Variants in ERICH3 observed in about 807,000 individuals in gnomAD.
The protein encoded by ERICH3 is glutamate rich 3.
In ERICH3, 126 loss-of-function variants were observed where a neutral mutation model predicts 131.1. The ratio of observed to expected loss-of-function variants is 0.96; its 90% CI spans 0.83 to 1.11. The LOEUF (loss-of-function observed/expected upper bound fraction) is 1.11. ERICH3 is among the 50% of genes most tolerant of loss of function. The pLI is 0.00. For missense variants in ERICH3, 2,050 were observed against 1,810.7 expected, an observed-to-expected ratio of 1.13 and a Z score of -2.40; for synonymous variants, 695 against 644.6, an observed-to-expected ratio of 1.08 and a Z score of -1.18.
chr1:74,615,767 C>T (rs1648928501), intron 8 of ERICH3, among the ~76,000 whole-genome samples: 1 of 152,076 alleles, frequency 6.6e-6, no homozygotes, highest in Non-Finnish European at 1.5e-5. Context: ...TACTCTTATC[C>T]CCAACATCTG....
intron 7 of ERICH3, among the ~76,000 whole-genome samples, chr1:74,628,426 A>C (rs1274795665): frequency 6.6e-6 from 1 of 152,172 alleles, no homozygotes; most frequent in African/African-American, 2.4e-5. Flanking sequence ...AATACAGTAC[A>C]GTAGTATAAA....
At chr1:74,637,624 A>C (rs569435373) in intron 5 of ERICH3, among the ~76,000 whole-genome samples, 1 of 152,298 alleles carries the variant, frequency 6.6e-6, no homozygotes, top group South Asian at 2.1e-4. Flanking sequence ...GTTTAGTATA[A>C]AGATTAGCAA....
At chr1:74,605,456 T>C (rs1326387234) in intron 10 of ERICH3, among the ~76,000 whole-genome samples, 2 of 151,982 alleles carry the variant, frequency 1.3e-5, no homozygotes, top group Admixed American at 6.6e-5. Context: ...GCCTAGCTTT[T>C]AGCCTGTCTT....
intron 1 of ERICH3, among the ~76,000 whole-genome samples, chr1:74,658,961 T>C (rs1462113429): frequency 6.6e-6 from 1 of 152,230 alleles, no homozygotes; most frequent in Non-Finnish European, 1.5e-5. Context: ...ACACTCTTAG[T>C]TGCTATTGTG....
intron 1 of ERICH3, among the ~76,000 whole-genome samples, chr1:74,669,102 G>C (rs1010018413): frequency 3.3e-5 from 5 of 152,020 alleles, no homozygotes; most frequent in African/African-American, 1.2e-4. Context: ...TTGACCTAAC[G>C]GTAGTTTTTA....
chr1:74,611,260 CAAT>C (rs1210610009), intron 9 of ERICH3, among the ~76,000 whole-genome samples: 1 of 152,130 alleles, frequency 6.6e-6, no homozygotes, highest in Admixed American at 6.6e-5. Context: ...TCCACAGTCT[CAAT>C]AAGTTAACTG....
intron 3 of ERICH3, 61 bp from the exon 4 acceptor site, chr1:74,643,159 G>C (rs1306091693): frequency 7.7e-7 from 1 of 1,305,060 alleles, no homozygotes; most frequent in Admixed American, 2.0e-5. Flanking sequence ...GACCAGTTTA[G>C]AGGAAAATAA....
At chr1:74,630,812 G>A (rs888287729) in intron 7 of ERICH3, among the ~76,000 whole-genome samples, 5 of 151,904 alleles carry the variant, frequency 3.3e-5, no homozygotes, top group Admixed American at 1.3e-4. Context: ...GATCAAAGAC[G>A]CAGGGCAAGG....
intron 1 of ERICH3, among the ~76,000 whole-genome samples, chr1:74,658,611 T>A (rs936079811): frequency 6.6e-6 from 1 of 152,086 alleles, no homozygotes; most frequent in Non-Finnish European, 1.5e-5. Flanking sequence ...AGAAAAAAAA[T>A]AAAATTGTAC....
rs1646899430 is a variant in ERICH3, at chr1:74,568,595, G to C, written c.*1863C>G. ...GTGCAGTGAGTAATATCCTTGAATA[G>C]GGAGTAGGGCAGAGGGACTTCGTGC... On this transcript the variant is annotated 3_prime_UTR_variant, in exon 15 of 15. Coordinates refer to ENST00000326665, the MANE Select transcript of ERICH3 (RefSeq NM_001002912.5). 6.6e-6 allele frequency: 1 copy of C among 152,140 alleles called. No homozygotes were observed. The highest frequency in any genetic ancestry group is 2.4e-5 in the African/African-American group (1 of 41,452). 9.4% of individuals were successfully genotyped at this position (152,140 alleles called of 1,614,324 possible). A position where few individuals can be genotyped will look rare whatever the true frequency, so the allele number is the denominator to read the frequency against.
intron 12 of ERICH3, among the ~76,000 whole-genome samples, chr1:74,583,536 A>AT (rs542708817): frequency 6.6e-6 from 1 of 151,814 alleles, no homozygotes; most frequent in African/African-American, 2.4e-5. Flanking sequence ...GTACTCACCT[A>AT]TTTTCAGACT....
intron 8 of ERICH3, among the ~76,000 whole-genome samples, chr1:74,613,144 A>G (rs1190441758): frequency 1.3e-5 from 2 of 152,244 alleles, no homozygotes; most frequent in Non-Finnish European, 2.9e-5. Flanking sequence ...GATCTAGATC[A>G]TCTTTTAATT....
chr1:74,634,829 T>A, intron 6 of ERICH3: 2 of 594,616 alleles, frequency 3.4e-6, no homozygotes, highest in Non-Finnish European at 6.0e-6. Context: ...GGCTAGCCCA[T>A]TCCCAAGATG....
intron 2 of ERICH3, among the ~76,000 whole-genome samples, chr1:74,648,870 G>A (rs978163832): frequency 1.2e-4 from 19 of 152,068 alleles, no homozygotes; most frequent in African/African-American, 3.9e-4. Flanking sequence ...TATTTTTTCC[G>A]AAGATGACAG....
At chr1:74,643,341 C>T (rs369167819) in intron 3 of ERICH3, among the ~76,000 whole-genome samples, 37 of 152,190 alleles carry the variant, frequency 2.4e-4, no homozygotes, top group Middle Eastern at 3.4e-3. Context: ...TTAAATTTCA[C>T]TTCTAAACCT....
chr1:74,660,611 A>G (rs1330580403), intron 1 of ERICH3, among the ~76,000 whole-genome samples: 5 of 148,588 alleles, frequency 3.4e-5, no homozygotes, highest in African/African-American at 1.2e-4. Flanking sequence ...ATATATATAT[A>G]TATAGTGTGT....
At chr1:74,603,920 TTTC>T (rs1270652199) in intron 10 of ERICH3, among the ~76,000 whole-genome samples, 1 of 151,834 alleles carries the variant, frequency 6.6e-6, no homozygotes, top group Non-Finnish European at 1.5e-5. Flanking sequence ...GCTATGGAAA[TTTC>T]TTAAAATAAG....
At chr1:74,670,123 T>C (rs1473485446) in intron 1 of ERICH3, among the ~76,000 whole-genome samples, 1 of 152,228 alleles carries the variant, frequency 6.6e-6, no homozygotes, top group Non-Finnish European at 1.5e-5. Context: ...CATTTAGATT[T>C]GTTGTATTTG....
intron 12 of ERICH3, among the ~76,000 whole-genome samples, chr1:74,582,249 T>G (rs904987814): frequency 1.5e-4 from 23 of 152,138 alleles, no homozygotes; most frequent in African/African-American, 5.3e-4. Flanking sequence ...CTAGGATGAT[T>G]TCTTTTTTAA....
Sources: gnomAD v4.1 joint callset for allele counts (sites outside exome capture counted in the v4.1 genomes callset) on GRCh38, gnomAD v4.1.1 for gene constraint, MANE v1.5 for transcripts, NCBI Gene and HGNC (gene_info 2026-07-23, HGNC 2026-07-21) for gene names.